SORCS1: variants seen among roughly 807,000 people sequenced by gnomAD.
SORCS1 encodes the protein VPS10 domain-containing receptor SorCS1.
A neutral mutation model predicts 146.1 loss-of-function variants in SORCS1; 60 were observed. That is an observed-to-expected ratio of 0.41 (90% CI 0.33 to 0.51). The LOEUF is 0.51. Among genes scored for constraint, SORCS1 ranks in the 20% least tolerant of loss-of-function variants. SORCS1 has a pLI of 0.21. For synonymous variants in SORCS1, 637 were observed against 584.0 expected (o/e 1.09, Z -1.31); for missense variants, 1,352 against 1,487.6 (o/e 0.91, Z 1.50).
rs1420400234 is a variant in SORCS1 at position 106,706,570 on chromosome 10, T to G, written c.1208A>C (p.Lys403Thr). Reference protein sequence around the residue: ...SYRRNAFAQMKLPKYALPKDM... With the variant: ...SYRRNAFAQMTLPKYALPKDM... ...CTTGGGCAAAGCATATTTCGGAAGC[T>G]TCATTTGGGCAAATGCATTCCTTCG... Residue 403 changes from lysine to threonine, a missense_variant, in exon 8 of 26, where the codon AAG becomes ACG. Lys to Thr is a moderately conservative substitution (Grantham distance 78, BLOSUM62 -1). Transcript: ENST00000263054. 1.9e-6 allele frequency: 3 copies of G among 1,614,188 alleles called. No individual in the cohort carries two copies. In the South Asian group the frequency reaches 3.3e-5, roughly 18 times the overall value.
chr10:107,108,541 C>T (rs1309700880), intron 1 of SORCS1, among the ~76,000 whole-genome samples: 3 of 152,152 alleles, frequency 2.0e-5, no homozygotes, highest in Non-Finnish European at 4.4e-5. Context: ...CAGGAATCTA[C>T]CCTTATGACT....
chr10:106,823,593 T>C (rs777907846), intron 3 of SORCS1, among the ~76,000 whole-genome samples: 1 of 152,184 alleles, frequency 6.6e-6, no homozygotes, highest in Non-Finnish European at 1.5e-5. Flanking sequence ...AAAGAATACA[T>C]AACTGATTAA....
the SORCS1 span, among the ~76,000 whole-genome samples, chr10:107,179,255 A>G: frequency 6.6e-6 from 1 of 152,194 alleles, no homozygotes; most frequent in Non-Finnish European, 1.5e-5. Context: ...GGTATTTTGA[A>G]TGTCCTAAAA....
intron 5 of SORCS1, among the ~76,000 whole-genome samples, chr10:106,759,525 T>TC (rs1041027511): frequency 4.6e-5 from 7 of 152,242 alleles, no homozygotes; most frequent in Admixed American, 4.6e-4. Context: ...AATATTAATA[T>TC]CAAAATCACA....
At chr10:107,108,783 A>G (rs1195275722) in intron 1 of SORCS1, among the ~76,000 whole-genome samples, 1 of 152,274 alleles carries the variant, frequency 6.6e-6, no homozygotes, top group African/African-American at 2.4e-5. Flanking sequence ...GACAAAGGAA[A>G]TCCCTTCTAC....
At chr10:106,957,816 A>T (rs1340437955) in intron 1 of SORCS1, among the ~76,000 whole-genome samples, 1 of 152,224 alleles carries the variant, frequency 6.6e-6, no homozygotes, top group Non-Finnish European at 1.5e-5. Flanking sequence ...CTTTACCCAG[A>T]GGAACCTAAA....
At chr10:106,714,627 G>A (rs570477601) in intron 6 of SORCS1, among the ~76,000 whole-genome samples, 6 of 152,002 alleles carry the variant, frequency 3.9e-5, no homozygotes, top group African/African-American at 9.6e-5. Flanking sequence ...TTTGCAAGTC[G>A]TATATATATC....
intron 1 of SORCS1, among the ~76,000 whole-genome samples, chr10:106,995,645 C>T (rs1370440327): frequency 6.6e-6 from 1 of 152,130 alleles, no homozygotes; most frequent in Non-Finnish European, 1.5e-5. Context: ...TTGCTCTTTT[C>T]TTCCTAAGTT....
chr10:107,000,584 C>T (rs976859034), intron 1 of SORCS1, among the ~76,000 whole-genome samples: 7 of 146,122 alleles, frequency 4.8e-5, no homozygotes, highest in South Asian at 2.1e-4. Flanking sequence ...TCCAGCCTGG[C>T]GACAGAGCAG....
At position 106,989,680 on chromosome 10, in the gene SORCS1, GT is replaced by G. The variant is rs761689988; in HGVS notation, c.559-33101del. Among the ~76,000 whole-genome samples the G allele has an allele frequency of 2.7e-3, 193 of 70,348 alleles. 2 individuals are homozygous for G. The highest frequency in any genetic ancestry group is 6.8e-3 in the African/African-American group (127 of 18,702). The allele number at this position is 70,348 out of a possible 152,430, so 46.2% of individuals were successfully genotyped here. On this transcript the variant is annotated intron_variant, in intron 1 of 25. Transcript: ENST00000263054. ...ACTCATATTTTTTCTGTTTTTTTTT[GT>G]TTTTTTTTTTTTTTTTTTTTTCTGA...
intron 2 of SORCS1, among the ~76,000 whole-genome samples, chr10:106,898,489 T>G (rs1163731889): frequency 2.0e-5 from 3 of 152,188 alleles, no homozygotes; most frequent in Admixed American, 1.3e-4. Context: ...AGAGAACCAT[T>G]TCAACCATTC....
intron 1 of SORCS1, among the ~76,000 whole-genome samples, chr10:107,140,857 G>GCC (rs1967767470): frequency 6.6e-6 from 1 of 152,138 alleles, no homozygotes; most frequent in Non-Finnish European, 1.5e-5. Flanking sequence ...TTCATTTTAT[G>GCC]AATGATGAAA....
chr10:106,754,548 C>T (rs1347402141), intron 5 of SORCS1, among the ~76,000 whole-genome samples: 6 of 152,024 alleles, frequency 3.9e-5, no homozygotes, highest in South Asian at 2.1e-4. Flanking sequence ...TTGATTTAAA[C>T]GATATATGCA....
At chr10:107,134,355 T>A (rs188260712) in intron 1 of SORCS1, among the ~76,000 whole-genome samples, 132 of 152,254 alleles carry the variant, frequency 8.7e-4, no homozygotes, top group Admixed American at 2.6e-3. Context: ...TTACATTCCA[T>A]CGGCCAGGCG....
rs151285944 is a variant in SORCS1, at chr10:106,976,103, G to A, written c.559-19523C>T. ...AGAGGTTTCAGTGAGCCGAGATCAT[G>A]CGATAGTACTCCAGCCTGGACTCTG... On this transcript the variant is annotated intron_variant, in intron 1 of 25. Transcript: ENST00000263054. Among the ~76,000 whole-genome samples the A allele has an allele frequency of 2.0e-3, 294 of 145,998 alleles. 3 individuals carry two copies. Among genetic ancestry groups the A allele is most frequent in the African/African-American group, 6.9e-3 (274 of 39,644 alleles).
the SORCS1 span, among the ~76,000 whole-genome samples, chr10:107,174,234 C>T: frequency 1.3e-5 from 2 of 152,156 alleles, no homozygotes; most frequent in East Asian, 3.8e-4. Flanking sequence ...GAGATGGAGT[C>T]TTGCTCTGTC....
intron 15 of SORCS1, among the ~76,000 whole-genome samples, chr10:106,672,106 T>C (rs1851651763): frequency 6.6e-6 from 1 of 152,234 alleles, no homozygotes. Flanking sequence ...ACCGTCTTTC[T>C]TGAGCAAACT....
At position 106,954,914 on chromosome 10, in the gene SORCS1, C is replaced by T. The variant is rs572517879; in HGVS notation, c.626+1599G>A. On this transcript the variant is annotated intron_variant, in intron 2 of 25. Coordinates refer to ENST00000263054, the MANE Select transcript of SORCS1 (RefSeq NM_052918.5). Reference sequence around the variant, plus strand: ...AATAAAACTCTTCTTGGATGCAGGACAAGAACCTGGGACCCACCCAACAGC... The same window carrying T: ...AATAAAACTCTTCTTGGATGCAGGATAAGAACCTGGGACCCACCCAACAGC... Among the ~76,000 whole-genome samples, 4 of 152,336 alleles carry T rather than the reference C, an allele frequency of 2.6e-5. No homozygotes were observed. The South Asian group carries it at 8.3e-4, about 32-fold the overall frequency.
At chr10:106,713,176 T>C (rs1197413966) in intron 6 of SORCS1, among the ~76,000 whole-genome samples, 1 of 136,082 alleles carries the variant, frequency 7.3e-6, no homozygotes, top group Non-Finnish European at 1.5e-5. Flanking sequence ...GTATGACAAC[T>C]AGATGGAAAG....
Sources: allele counts gnomAD v4.1 joint callset (sites outside exome capture counted in the v4.1 genomes callset), GRCh38; gene constraint gnomAD v4.1.1; transcripts MANE v1.5; gene names NCBI Gene and HGNC (gene_info 2026-07-23, HGNC 2026-07-21).